ARHGAP24: variants seen among roughly 807,000 people sequenced by gnomAD.
ARHGAP24 encodes the protein rho GTPase-activating protein 24.
ARHGAP24 carries 50 observed loss-of-function variants against 76.4 expected under a neutral mutation model. That is an observed-to-expected ratio of 0.65 (90% CI 0.52 to 0.83). The LOEUF is 0.83. Ranked by LOEUF, ARHGAP24 falls within the 40% of genes least tolerant of loss-of-function variation. The probability of loss-of-function intolerance (pLI) is 0.00; values close to 1 mark genes in which losing one functional copy is unlikely to be tolerated. For missense variants in ARHGAP24, 930 were observed against 914.2 expected (o/e 1.02, Z -0.22); for synonymous variants, 345 against 323.3 (o/e 1.07, Z -0.72).
rs531155096 is a variant in ARHGAP24 at position 85,700,876 on chromosome 4, C to T, written c.181-21009C>T. Among the ~76,000 whole-genome samples the T allele has an allele frequency of 1.6e-4, 25 of 152,278 alleles. 2 individuals are homozygous for T. Among genetic ancestry groups the T allele is most frequent in the Admixed American group, 1.6e-3 (25 of 15,292 alleles). On this transcript the variant is annotated intron_variant, in intron 2 of 9. Transcript: ENST00000395184. ...TGGTATATTTTCCTTTATATAGTAT[C>T]TTCCAGCAGGCAAAACAAAAATAAA... is the stretch of plus-strand genomic sequence containing the variant.
intron 2 of ARHGAP24, among the ~76,000 whole-genome samples, chr4:85,584,509 T>C (rs1162332695): frequency 1.3e-5 from 2 of 151,418 alleles, no homozygotes; most frequent in Non-Finnish European, 2.9e-5. Flanking sequence ...AGTTAATGGG[T>C]GCAGCACACC....
intron 3 of ARHGAP24, among the ~76,000 whole-genome samples, chr4:85,820,411 A>T (rs1415725822): frequency 6.6e-6 from 1 of 152,138 alleles, no homozygotes; most frequent in Non-Finnish European, 1.5e-5. Context: ...ACATGCTCTC[A>T]CTTATAAGTG....
intron 1 of ARHGAP24, among the ~76,000 whole-genome samples, chr4:85,536,788 A>G (rs1725486952): frequency 6.6e-6 from 1 of 152,156 alleles, no homozygotes; most frequent in African/African-American, 2.4e-5. Flanking sequence ...TGTTAATGAT[A>G]AATTCTCATT....
chr4:85,756,598 TC>T (rs932765128), intron 3 of ARHGAP24, among the ~76,000 whole-genome samples: 21 of 152,192 alleles, frequency 1.4e-4, no homozygotes, highest in Admixed American at 4.6e-4. Flanking sequence ...TCTTTTTTTT[TC>T]CAATGACTTG....
intron 3 of ARHGAP24, among the ~76,000 whole-genome samples, chr4:85,919,510 A>G (rs192728318): frequency 3.9e-4 from 59 of 152,216 alleles, no homozygotes; most frequent in Admixed American, 6.5e-4. Context: ...CTTTTTCTCA[A>G]TCATGCCCCA....
chr4:85,758,058 A>AG (rs201880024), intron 3 of ARHGAP24, among the ~76,000 whole-genome samples: 5 of 144,642 alleles, frequency 3.5e-5, no homozygotes, highest in East Asian at 2.8e-4. Flanking sequence ...TGGAAGAAGA[A>AG]GGGGGAAAAA....
chr4:85,563,581 C>G (rs935654620), intron 1 of ARHGAP24, among the ~76,000 whole-genome samples: 1 of 152,204 alleles, frequency 6.6e-6, no homozygotes, highest in Non-Finnish European at 1.5e-5. Flanking sequence ...ATCCAAATAC[C>G]ATCACACTGG....
chr4:85,850,187 GT>G lies in ARHGAP24; in HGVS notation c.269-73460del, dbSNP rs1272619496. Among the ~76,000 whole-genome samples, 16 of 152,310 alleles carry G rather than the reference GT, an allele frequency of 1.1e-4. No homozygotes were observed. The East Asian group carries it at 3.1e-3, about 29-fold the overall frequency. On this transcript the variant is annotated intron_variant, in intron 3 of 9. Coordinates refer to ENST00000395184, the MANE Select transcript of ARHGAP24 (RefSeq NM_001025616.3). ...CTGGTTTAGACTTGGGAGGGTGTAT[GT>G]GTCGAGGAATTTATCCATTTCTTCT...
Position 85,497,743 on chromosome 4 carries a change from C to T in ARHGAP24, c.-21+22184C>T, listed in dbSNP as rs144986126. ...AATGAGGCAGGAGAATTGCTTGAAC[C>T]CAGGAGGTGGAGGTTGCGGTGAGCC... On this transcript the variant is annotated intron_variant, in intron 1 of 9. Coordinates refer to ENST00000395184, the MANE Select transcript of ARHGAP24 (RefSeq NM_001025616.3). Among the ~76,000 whole-genome samples the T allele has an allele frequency of 2.4e-3, 364 of 152,216 alleles. 4 individuals are homozygous for T. Among genetic ancestry groups the T allele is most frequent in the African/African-American group, 8.5e-3 (351 of 41,500 alleles).
chr4:85,485,365 AAAAAAAAAAAAATATATATATATAT>A (rs1422098948), intron 1 of ARHGAP24, among the ~76,000 whole-genome samples: 3 of 61,882 alleles, frequency 4.8e-5, no homozygotes, highest in African/African-American at 2.2e-4. Flanking sequence ...AAAAAAAAAA[AAAAAAAAAAAAATATATATATATAT>A]ATATATATAT....
chr4:85,550,296 A>G (rs1303067256), intron 1 of ARHGAP24, among the ~76,000 whole-genome samples: 1 of 152,358 alleles, frequency 6.6e-6, no homozygotes, highest in East Asian at 1.9e-4. Flanking sequence ...CATTTATTGA[A>G]TAGGGAATTC....
At chr4:85,756,276 C>T (rs1224878555) in intron 3 of ARHGAP24, among the ~76,000 whole-genome samples, 2 of 152,134 alleles carry the variant, frequency 1.3e-5, no homozygotes, top group Non-Finnish European at 2.9e-5. Flanking sequence ...GTAAGCTGTT[C>T]TATACATTTA....
intron 2 of ARHGAP24, among the ~76,000 whole-genome samples, chr4:85,624,351 T>G (rs1720846069): frequency 6.6e-6 from 1 of 152,096 alleles, no homozygotes. Flanking sequence ...AATCATGTGG[T>G]TTTTATCTTT....
intron 3 of ARHGAP24, among the ~76,000 whole-genome samples, chr4:85,868,218 AT>A (rs1439499075): frequency 6.6e-6 from 1 of 152,114 alleles, no homozygotes; most frequent in Non-Finnish European, 1.5e-5. Context: ...GAGTTAAGTT[AT>A]TGTCTAAAGA....
chr4:85,738,038 G>A (rs866058336), intron 3 of ARHGAP24, among the ~76,000 whole-genome samples: 2 of 151,856 alleles, frequency 1.3e-5, no homozygotes, highest in Admixed American at 1.3e-4. Flanking sequence ...TTCATGCCTC[G>A]GCCTCCCAAG....
At chr4:85,615,462 A>G (rs1720513127) in intron 2 of ARHGAP24, among the ~76,000 whole-genome samples, 1 of 152,142 alleles carries the variant, frequency 6.6e-6, no homozygotes, top group Non-Finnish European at 1.5e-5. Flanking sequence ...ACCTGTGCGG[A>G]AATAAATAAG....
chr4:85,550,217 C>A (rs1405820693), intron 1 of ARHGAP24, among the ~76,000 whole-genome samples: 1 of 152,094 alleles, frequency 6.6e-6, no homozygotes, highest in Non-Finnish European at 1.5e-5. Context: ...TACATACCCA[C>A]CATATGTATG....
Position 85,495,341 on chromosome 4 carries a change from A to ATT in ARHGAP24, c.-21+19808_-21+19809dup, listed in dbSNP as rs35138716. Among the ~76,000 whole-genome samples, 199 of 53,122 alleles carry ATT rather than the reference A, an allele frequency of 3.7e-3. 15 individuals are homozygous for ATT. Among genetic ancestry groups the ATT allele is most frequent in the African/African-American group, 6.4e-3 (102 of 15,912 alleles). The allele number at this position is 53,122 out of a possible 152,430, so 34.9% of individuals were successfully genotyped here. A position where few individuals can be genotyped will look rare whatever the true frequency, so the allele number is the denominator to read the frequency against. On this transcript the variant is annotated intron_variant, in intron 1 of 9. Coordinates refer to ENST00000395184, the MANE Select transcript of ARHGAP24 (RefSeq NM_001025616.3). ...AGTCAAGTAAGTACAGAAGTACAGA[A>ATT]TTTTTTTTTTTTTTTTTTTTTTTTT...
At chr4:85,602,166 G>A (rs1720051315) in intron 2 of ARHGAP24, among the ~76,000 whole-genome samples, 1 of 152,082 alleles carries the variant, frequency 6.6e-6, no homozygotes, top group Non-Finnish European at 1.5e-5. Context: ...GGAAACCATA[G>A]TACATAGATA....
Sources: allele counts gnomAD v4.1 joint callset (sites outside exome capture counted in the v4.1 genomes callset), GRCh38; gene constraint gnomAD v4.1.1; transcripts MANE v1.5; gene names NCBI Gene and HGNC (gene_info 2026-07-23, HGNC 2026-07-21).